The following SLC24A2 variants were observed in gnomAD, a reference collection of about 807,000 sequenced individuals.
SLC24A2 encodes solute carrier family 24 member 2.
Under a neutral mutation model 62.0 loss-of-function variants are expected in SLC24A2, and 36 were observed. That is an observed-to-expected ratio of 0.58 (90% CI 0.44 to 0.77). The LOEUF is 0.77. Among genes scored for constraint, SLC24A2 ranks in the 30% least tolerant of loss-of-function variants. SLC24A2 has a pLI of 0.00. For missense variants in SLC24A2, 846 were observed against 817.9 expected (o/e 1.03, Z -0.42); for synonymous variants, 358 against 294.0 (o/e 1.22, Z -2.23).
intron 7 of SLC24A2, among the ~76,000 whole-genome samples, chr9:19,551,983 A>C (rs1834868899): frequency 6.6e-6 from 1 of 152,230 alleles, no homozygotes; most frequent in Admixed American, 6.5e-5. Context: ...TGGGTAAAAG[A>C]ATTTGTAAAC....
At chr9:20,142,207 T>A in the SLC24A2 span, among the ~76,000 whole-genome samples, 131 of 152,300 alleles carry the variant, frequency 8.6e-4, 1 homozygote, top group African/African-American at 3.0e-3. Flanking sequence ...TTCGAAGAGT[T>A]CTGCAGGAAA....
chr9:20,270,552 T>C, the SLC24A2 span, among the ~76,000 whole-genome samples: 1 of 152,196 alleles, frequency 6.6e-6, no homozygotes, highest in Non-Finnish European at 1.5e-5. Context: ...GCCTTCTCCC[T>C]GAAGGTGATT....
chr9:19,511,451 T>A lies in SLC24A2; in HGVS notation c.*4702A>T, dbSNP rs959403388. 2.0e-5 allele frequency: 3 copies of A among 152,226 alleles called. No individual in the cohort carries two copies. The highest frequency in any genetic ancestry group is 7.2e-5 in the African/African-American group (3 of 41,458). 9.4% of individuals were successfully genotyped at this position (152,226 alleles called of 1,614,324 possible). On this transcript the variant is annotated 3_prime_UTR_variant, in exon 11 of 11. Coordinates refer to ENST00000341998, the MANE Select transcript of SLC24A2 (RefSeq NM_020344.4). ...CTAAACATAGCCTGATATTTGTTAC[T>A]GTTTTAAACTACATAGGGATATATT...
the SLC24A2 span, among the ~76,000 whole-genome samples, chr9:20,141,055 T>C: frequency 6.6e-6 from 1 of 152,174 alleles, no homozygotes; most frequent in Admixed American, 6.5e-5. Context: ...TTATATTTTA[T>C]GGCTTTGGGA....
intron 8 of SLC24A2, among the ~76,000 whole-genome samples, chr9:19,545,678 G>A (rs116098861): frequency 0.012 from 1,813 of 148,620 alleles, 42 homozygotes; most frequent in African/African-American, 0.043. Context: ...TCATTCTGTT[G>A]CTTACGCTGG....
At chr9:20,054,459 T>C in the SLC24A2 span, among the ~76,000 whole-genome samples, 1 of 152,240 alleles carries the variant, frequency 6.6e-6, no homozygotes. Flanking sequence ...CCCAAAGTGC[T>C]GGAATTACAG....
intron 7 of SLC24A2, among the ~76,000 whole-genome samples, chr9:19,563,050 G>C (rs1835481902): frequency 6.6e-6 from 1 of 152,144 alleles, no homozygotes; most frequent in South Asian, 2.1e-4. Context: ...AGGCTGCAGT[G>C]AGCCATGACT....
chr9:20,296,461 GTGCT>G, the SLC24A2 span, among the ~76,000 whole-genome samples: 1 of 152,172 alleles, frequency 6.6e-6, no homozygotes, highest in Non-Finnish European at 1.5e-5. Context: ...CACCAAGAAA[GTGCT>G]TTATTCACAA....
In SLC24A2 at chr9:19,786,399, G is replaced by C; in HGVS notation, c.468C>G (p.Phe156Leu). ...TGATGACAGTCAAAGAAGGAACAAA[G>C]AACTCATCACAGACAATGGCTAAGG... ...FIALAIVCDE[F>L]FVPSLTVITE... Residue 156 changes from phenylalanine (F) to leucine (L), a missense_variant, in exon 2 of 11, where the codon TTC becomes TTG. Transcript: ENST00000341998. This position sits in a 1 kb window ranked among gnomAD's most constrained non-coding sequence, Gnocchi z 5.0. 6.2e-7 allele frequency: 1 copy of C among 1,614,172 alleles called. No individual in the cohort carries two copies. Among genetic ancestry groups the C allele is most frequent in the Non-Finnish European group, 8.5e-7 (1 of 1,180,046 alleles).
the SLC24A2 span, among the ~76,000 whole-genome samples, chr9:20,212,441 A>G: frequency 1.3e-5 from 2 of 151,812 alleles, no homozygotes; most frequent in African/African-American, 4.9e-5. Flanking sequence ...ACTTGAGGTC[A>G]GGAGTTTGAG....
At chr9:20,294,731 T>G in the SLC24A2 span, among the ~76,000 whole-genome samples, 1 of 152,118 alleles carries the variant, frequency 6.6e-6, no homozygotes, top group Non-Finnish European at 1.5e-5. Context: ...AAATATGATA[T>G]TTCAGGCACA....
the SLC24A2 span, among the ~76,000 whole-genome samples, chr9:19,824,178 C>T: frequency 6.6e-5 from 10 of 152,138 alleles, no homozygotes; most frequent in East Asian, 1.9e-3. Flanking sequence ...AAATGGTGAT[C>T]TAATTAAACT....
At chr9:19,853,292 C>G in the SLC24A2 span, among the ~76,000 whole-genome samples, 1 of 151,954 alleles carries the variant, frequency 6.6e-6, no homozygotes, top group East Asian at 1.9e-4. Flanking sequence ...ATTTGAATAC[C>G]CTTTATTTTT....
At chr9:20,069,572 A>G in the SLC24A2 span, among the ~76,000 whole-genome samples, 1 of 152,204 alleles carries the variant, frequency 6.6e-6, no homozygotes, top group African/African-American at 2.4e-5. Flanking sequence ...TCCTTTAAAG[A>G]TCACAATTCT....
At chr9:19,731,516 C>CTCTCCGTGTGTGTGTGTGT (rs72153360) in intron 2 of SLC24A2, among the ~76,000 whole-genome samples, 1 of 113,710 alleles carries the variant, frequency 8.8e-6, no homozygotes, top group Non-Finnish European at 2.1e-5. Context: ...TCTCTCTCTC[C>CTCTCCGTGTGTGTGTGTGT]GTGTGTGTGT....
At chr9:20,284,097 C>A in the SLC24A2 span, among the ~76,000 whole-genome samples, 5 of 152,072 alleles carry the variant, frequency 3.3e-5, no homozygotes, top group Admixed American at 6.6e-5. Flanking sequence ...AGAGGCAATG[C>A]GATAATTGCC....
chr9:20,125,334 C>G, the SLC24A2 span, among the ~76,000 whole-genome samples: 234 of 152,262 alleles, frequency 1.5e-3, 2 homozygotes, highest in African/African-American at 5.4e-3. Context: ...AGTGACTTGA[C>G]TAAGGTCACA....
At position 19,512,950 on chromosome 9, in the gene SLC24A2, G is replaced by A. The variant is rs1832772464; in HGVS notation, c.*3203C>T. The A allele has an allele frequency of 6.6e-6, 1 of 151,768 alleles. No individual in the cohort carries two copies. Among genetic ancestry groups the A allele is most frequent in the African/African-American group, 2.4e-5 (1 of 41,312 alleles). The allele number at this position is 151,768 out of a possible 1,614,324, so 9.4% of individuals were successfully genotyped here. The stretch of plus-strand genomic sequence containing the variant: ...AGGGTGGGAAAATATGGGTACATAT[G>A]TGTATATTTGTAAATATATGTGCAT... On this transcript the variant is annotated 3_prime_UTR_variant, in exon 11 of 11. Transcript: ENST00000341998.
At chr9:19,977,084 ACG>A in the SLC24A2 span, among the ~76,000 whole-genome samples, 1 of 151,520 alleles carries the variant, frequency 6.6e-6, no homozygotes, top group Non-Finnish European at 1.5e-5. Context: ...ACATCTTTGA[ACG>A]TAGATTCAAA....
Sources: gnomAD v4.1 joint callset for allele counts (sites outside exome capture counted in the v4.1 genomes callset) on GRCh38, gnomAD v4.1.1 for gene constraint, Gnocchi (gnomAD v3.1) non-coding constraint, MANE v1.5 for transcripts, NCBI Gene and HGNC (gene_info 2026-07-23, HGNC 2026-07-21) for gene names.